CACNB2: variants seen among roughly 807,000 people sequenced by gnomAD.
The protein encoded by CACNB2 is calcium voltage-gated channel auxiliary subunit beta 2.
CACNB2 carries 42 observed loss-of-function variants against 73.3 expected under a neutral mutation model. The ratio of observed to expected loss-of-function variants is 0.57; its 90% confidence interval spans 0.45 to 0.74. The LOEUF (loss-of-function observed/expected upper bound fraction) is 0.74, where lower values mean the gene tolerates loss of function less well. Ranked by LOEUF, CACNB2 falls within the 30% of genes least tolerant of loss-of-function variation. CACNB2 has a pLI of 0.00. For synonymous variants in CACNB2, 348 were observed against 310.3 expected (o/e 1.12, Z -1.28); for missense variants, 940 against 853.0 (o/e 1.10, Z -1.27).
At chr10:18,211,503 C>T (rs2035315696) in intron 2 of CACNB2, among the ~76,000 whole-genome samples, 1 of 152,202 alleles carries the variant, frequency 6.6e-6, no homozygotes, top group African/African-American at 2.4e-5. Context: ...AATAGAGTTG[C>T]TTCCCTTTGT....
rs2054134886 is a variant in CACNB2, at chr10:18,543,110, A to G, written c.*3386A>G. 6.6e-6 allele frequency: 1 copy of G among 152,154 alleles called. No individual in the cohort carries two copies. 9.4% of individuals were successfully genotyped at this position (152,154 alleles called of 1,614,324 possible). A position where few individuals can be genotyped will look rare whatever the true frequency, so the allele number is the denominator to read the frequency against. On this transcript the variant is annotated 3_prime_UTR_variant, in exon 14 of 14. Coordinates refer to ENST00000324631, the MANE Select transcript of CACNB2 (RefSeq NM_201596.3). ...TAACAAACCTGGTTTAAAGTAATTC[A>G]TATAAAACAAATAAAGAGCTGGCTT...
chr10:18,433,238 C>T (rs1002504764), intron 3 of CACNB2, among the ~76,000 whole-genome samples: 4 of 152,032 alleles, frequency 2.6e-5, no homozygotes, highest in African/African-American at 4.8e-5. Flanking sequence ...GCAAGGGGAC[C>T]GGCATATTCC....
chr10:18,261,423 C>A, intron 2 of CACNB2: 2 of 1,436,754 alleles, frequency 1.4e-6, no homozygotes, highest in Non-Finnish European at 1.9e-6. Flanking sequence ...TGTGCTGAAC[C>A]AACCAGACAG....
At chr10:18,182,827 A>C (rs1468790286) in intron 2 of CACNB2, among the ~76,000 whole-genome samples, 1 of 151,930 alleles carries the variant, frequency 6.6e-6, no homozygotes, top group African/African-American at 2.4e-5. Context: ...GTCTCAAAAA[A>C]AAAAAAAACA....
At chr10:18,184,649 GTTTTTT>G (rs201899870) in intron 2 of CACNB2, among the ~76,000 whole-genome samples, 113 of 87,748 alleles carry the variant, frequency 1.3e-3, no homozygotes, top group African/African-American at 4.8e-3. Context: ...CTCAGACTTT[GTTTTTT>G]TTTTTTTTTT....
chr10:18,296,076 G>T (rs187511808), intron 2 of CACNB2, among the ~76,000 whole-genome samples: 2 of 142,290 alleles, frequency 1.4e-5, no homozygotes, highest in East Asian at 4.1e-4. Flanking sequence ...AAACTGAATG[G>T]CTTTAAGTTA....
chr10:18,182,821 C>CAA (rs66540356), intron 2 of CACNB2, among the ~76,000 whole-genome samples: 27 of 117,606 alleles, frequency 2.3e-4, no homozygotes, highest in African/African-American at 4.6e-4. Flanking sequence ...GACTCTGTCT[C>CAA]AAAAAAAAAA....
intron 13 of CACNB2, among the ~76,000 whole-genome samples, chr10:18,538,584 C>T (rs1430405440): frequency 1.3e-5 from 2 of 152,072 alleles, no homozygotes; most frequent in African/African-American, 4.8e-5. Context: ...ACTTTCTAAA[C>T]AGTAGCATAG....
Position 18,506,567 on chromosome 10 carries a change from T to A in CACNB2, c.670+20T>A. On this transcript the variant is annotated intron_variant, in intron 6 of 13. Transcript: ENST00000324631. ...CATCTGGTAAGTAGGTGATAAATGCTGAATAATACATACTGCATTTCATGC... is the reference window on the plus strand; with the variant it reads ...CATCTGGTAAGTAGGTGATAAATGCAGAATAATACATACTGCATTTCATGC... The A allele has an allele frequency of 7.1e-7, 1 of 1,398,972 alleles. No homozygotes were observed. Among genetic ancestry groups the A allele is most frequent in the Non-Finnish European group, 1.0e-6 (1 of 983,900 alleles). 86.7% of individuals were successfully genotyped at this position (1,398,972 alleles called of 1,614,324 possible). A position where few individuals can be genotyped will look rare whatever the true frequency, so the allele number is the denominator to read the frequency against.
chr10:18,264,820 G>A (rs2037716939), intron 2 of CACNB2, among the ~76,000 whole-genome samples: 1 of 152,168 alleles, frequency 6.6e-6, no homozygotes, highest in Non-Finnish European at 1.5e-5. Flanking sequence ...CATAAATAGT[G>A]CTGTTATAAA....
intron 2 of CACNB2, among the ~76,000 whole-genome samples, chr10:18,339,524 A>G (rs1355098719): frequency 1.3e-5 from 2 of 151,998 alleles, no homozygotes; most frequent in African/African-American, 4.8e-5. Context: ...CCATCTCTAA[A>G]TAAATAACTA....
intron 3 of CACNB2, among the ~76,000 whole-genome samples, chr10:18,478,214 G>A (rs562006234): frequency 6.6e-6 from 1 of 152,284 alleles, no homozygotes; most frequent in Admixed American, 6.5e-5. Context: ...TTACAGGCGT[G>A]AGCCACCATG....
At position 18,401,979 on chromosome 10, in the gene CACNB2, A is replaced by C; in HGVS notation, c.269A>C (p.Glu90Ala). The change falls in exon 3 of 14, where the codon GAG becomes GCG. Residue 90 changes from glutamate (E) to alanine (A), a missense_variant. Glu to Ala is a moderately radical substitution (Grantham distance 107). Transcript: ENST00000324631. ...TCCGATTCCGATGTATCTCTGGAGGAGGACCGGGAGGCAGTGCGCAGAGAA... is the reference window on the plus strand; with the variant it reads ...TCCGATTCCGATGTATCTCTGGAGGCGGACCGGGAGGCAGTGCGCAGAGAA... The part of the protein sequence containing the change: ...RPSDSDVSLE[E>A]DREAVRREAE... 6.2e-7 allele frequency: 1 copy of C among 1,614,056 alleles called. No homozygotes were observed. Among genetic ancestry groups the C allele is most frequent in the Non-Finnish European group, 8.5e-7 (1 of 1,179,908 alleles).
At chr10:18,208,471 G>C (rs554628096) in intron 2 of CACNB2, among the ~76,000 whole-genome samples, 25 of 152,022 alleles carry the variant, frequency 1.6e-4, no homozygotes, top group Non-Finnish European at 2.9e-4. Context: ...AATTAGTGGG[G>C]TGTGGTGGTG....
intron 3 of CACNB2, among the ~76,000 whole-genome samples, chr10:18,493,507 T>A (rs1205702325): frequency 2.0e-5 from 3 of 152,096 alleles, no homozygotes; most frequent in African/African-American, 7.2e-5. Flanking sequence ...ATCTATAGAT[T>A]TTGAGGGTCC....
intron 2 of CACNB2, among the ~76,000 whole-genome samples, chr10:18,236,021 T>A (rs975913295): frequency 1.3e-5 from 2 of 152,192 alleles, no homozygotes; most frequent in African/African-American, 4.8e-5. Context: ...CTGTTTTCCC[T>A]TCTGCCATGA....
chr10:18,302,147 A>C (rs1347944334), intron 2 of CACNB2, among the ~76,000 whole-genome samples: 1 of 152,176 alleles, frequency 6.6e-6, no homozygotes, highest in East Asian at 1.9e-4. Flanking sequence ...ACTTGACGTA[A>C]AGAAATCAAA....
At chr10:18,351,155 T>C (rs927802) in intron 2 of CACNB2, among the ~76,000 whole-genome samples, 2 of 146,950 alleles carry the variant, frequency 1.4e-5, no homozygotes, top group Admixed American at 6.8e-5. Flanking sequence ...CTTTTCTTTT[T>C]TTTTTTTTCT....
chr10:18,492,635 A>AAG (rs1564613759), intron 3 of CACNB2, among the ~76,000 whole-genome samples: 1 of 129,686 alleles, frequency 7.7e-6, no homozygotes, highest in African/African-American at 4.0e-5. Context: ...AAAAAAAAAA[A>AAG]AAAGAAAAAA....
Sources: gnomAD v4.1 joint callset for allele counts (sites outside exome capture counted in the v4.1 genomes callset) on GRCh38, gnomAD v4.1.1 for gene constraint, MANE v1.5 for transcripts, NCBI Gene and HGNC (gene_info 2026-07-23, HGNC 2026-07-21) for gene names.